Variants in SHC4 observed in about 807,000 individuals in gnomAD.
The protein encoded by SHC4 is SHC adaptor protein 4.
In SHC4, 41 loss-of-function variants were observed where a neutral mutation model predicts 69.4. The ratio of observed to expected loss-of-function variants is 0.59; its 90% CI spans 0.46 to 0.77. SHC4 has a LOEUF of 0.77. Ranked by LOEUF, SHC4 falls within the 30% of genes least tolerant of loss-of-function variation. SHC4 has a pLI of 0.00. For synonymous variants in SHC4, 318 were observed against 299.3 expected, an observed-to-expected ratio of 1.06 and a Z score of -0.64; for missense variants, 777 against 783.8, an observed-to-expected ratio of 0.99 and a Z score of 0.10.
At chr15:48,886,749 TTAC>T (rs1900043571) in intron 3 of SHC4, among the ~76,000 whole-genome samples, 1 of 152,210 alleles carries the variant, frequency 6.6e-6, no homozygotes, top group South Asian at 2.1e-4. Flanking sequence ...GTGGTTATAA[TTAC>T]TACTTTTAAA....
At chr15:48,856,245 T>C (rs1899313387) in intron 7 of SHC4, 121 bp from the exon 8 acceptor site, 2 of 913,782 alleles carry the variant, frequency 2.2e-6, no homozygotes, top group Non-Finnish European at 1.6e-6. Flanking sequence ...TTTCAGTTTA[T>C]AGCTGTGCTT....
intron 9 of SHC4, among the ~76,000 whole-genome samples, chr15:48,844,260 A>G (rs1899047045): frequency 6.6e-6 from 1 of 152,084 alleles, no homozygotes; most frequent in African/African-American, 2.4e-5. Flanking sequence ...CTTCCATTCT[A>G]TTCTACACAT....
chr15:48,959,516 A>G (rs574966192), intron 1 of SHC4, among the ~76,000 whole-genome samples: 1 of 152,342 alleles, frequency 6.6e-6, no homozygotes, highest in East Asian at 1.9e-4. Context: ...GGAGAGGAGC[A>G]GTCACATGAT....
At chr15:48,877,525 G>A (rs146650226) in intron 4 of SHC4, 1 of 984,062 alleles carries the variant, frequency 1.0e-6, no homozygotes, top group Non-Finnish European at 1.2e-6. Context: ...AATACATAAA[G>A]ATACATGTAA....
chr15:48,938,231 G>A (rs1901109695), intron 1 of SHC4: 2 of 152,196 alleles, frequency 1.3e-5, no homozygotes, highest in South Asian at 4.1e-4. Flanking sequence ...ACTCTCTCCT[G>A]ATAGATCCAG....
Position 48,870,669 on chromosome 15 carries a change from C to A in SHC4, c.894+1420G>T, listed in dbSNP as rs181730650. Among the ~76,000 whole-genome samples, 8 of 149,882 alleles carry A rather than the reference C, an allele frequency of 5.3e-5. No homozygotes were observed. The East Asian group carries it at 1.6e-3, about 29-fold the overall frequency. ...TCCAGCCTGAGTGACAAGAGTGAGA[C>A]GCCGTCTCAAAAAAAAAAAAAGCAT... On this transcript the variant is annotated intron_variant, in intron 5 of 11. Coordinates refer to ENST00000332408, the MANE Select transcript of SHC4 (RefSeq NM_203349.4).
chr15:48,893,905 C>T (rs1411379367), intron 2 of SHC4, among the ~76,000 whole-genome samples: 1 of 152,176 alleles, frequency 6.6e-6, no homozygotes, highest in Non-Finnish European at 1.5e-5. Context: ...TTCAAGGCTG[C>T]AGTGCCACTG....
intron 2 of SHC4, among the ~76,000 whole-genome samples, chr15:48,912,401 C>G (rs1455654420): frequency 6.6e-6 from 1 of 152,180 alleles, no homozygotes; most frequent in Non-Finnish European, 1.5e-5. Context: ...GAGCATTTCA[C>G]ATTTCTAAAA....
Position 48,856,773 on chromosome 15 carries a change from T to TG in SHC4, c.1071-650_1071-649insC, listed in dbSNP as rs1183708038. On this transcript the variant is annotated intron_variant, in intron 7 of 11. Coordinates refer to ENST00000332408, the MANE Select transcript of SHC4 (RefSeq NM_203349.4). ...ATTGGAATCAGGGAAAGTTTCTTAC[T>TG]AAAAAAAAAAAAAAAAACAAGAATA... is the stretch of plus-strand genomic sequence containing the variant. Among the ~76,000 whole-genome samples, 7 of 116,054 alleles carry TG rather than the reference T, an allele frequency of 6.0e-5. No individual in the cohort carries two copies. The Admixed American group carries it at 6.3e-4, about 10-fold the overall frequency. 76.1% of individuals were successfully genotyped at this position (116,054 alleles called of 152,430 possible).
chr15:48,953,425 A>C (rs1285801411), intron 1 of SHC4, among the ~76,000 whole-genome samples: 2 of 152,148 alleles, frequency 1.3e-5, no homozygotes, highest in Non-Finnish European at 2.9e-5. Flanking sequence ...TTAAAAAAAA[A>C]CAAACACTGT....
intron 2 of SHC4, among the ~76,000 whole-genome samples, chr15:48,897,239 T>C (rs760282789): frequency 6.6e-6 from 1 of 152,176 alleles, no homozygotes; most frequent in Non-Finnish European, 1.5e-5. Flanking sequence ...GGCCACTTTG[T>C]TTATTGTTTC....
At chr15:48,841,708 T>G (rs929268205) in intron 10 of SHC4, among the ~76,000 whole-genome samples, 2 of 152,212 alleles carry the variant, frequency 1.3e-5, no homozygotes, top group African/African-American at 4.8e-5. Context: ...CTACTTCCTC[T>G]CCATTGCTTC....
intron 11 of SHC4, among the ~76,000 whole-genome samples, chr15:48,826,868 T>G (rs186366882): frequency 1.3e-5 from 2 of 152,234 alleles, no homozygotes; most frequent in African/African-American, 4.8e-5. Context: ...AGAAGCCTCC[T>G]CAGACCTTTC....
chr15:48,907,988 A>C (rs1900440859), intron 2 of SHC4, among the ~76,000 whole-genome samples: 1 of 151,996 alleles, frequency 6.6e-6, no homozygotes, highest in South Asian at 2.1e-4. Flanking sequence ...ATAATGACTT[A>C]TTTTCCTCTG....
chr15:48,849,940 C>T (rs1019273083), intron 9 of SHC4, among the ~76,000 whole-genome samples: 12 of 152,184 alleles, frequency 7.9e-5, no homozygotes, highest in African/African-American at 2.4e-4. Context: ...TGGTGGCTCA[C>T]GCCTGTGATC....
Position 48,843,519 on chromosome 15 carries a change from T to G in SHC4, c.1373A>C (p.Asp458Ala), listed in dbSNP as rs768712960. The G allele has an allele frequency of 1.7e-5, 27 of 1,614,046 alleles. No homozygotes were observed. Among genetic ancestry groups the G allele is most frequent in the Non-Finnish European group, 2.2e-5 (26 of 1,180,014 alleles). Reference sequence around the variant, plus strand: ...AATGTAGCAGGGGTCATCAAAGAGATCCACTCGGCACGTGTGCTTCAATAA... The same window carrying G: ...AATGTAGCAGGGGTCATCAAAGAGAGCCACTCGGCACGTGTGCTTCAATAA... The part of the protein sequence containing the change: ...TSLLKHTCRV[D>A]LFDDPCYINT... Residue 458 changes from aspartate to alanine, a missense_variant, in exon 10 of 12, where the codon GAT becomes GCT. Physicochemically the swap from Asp to Ala is moderately radical, Grantham distance 126 (BLOSUM62 -2). Transcript: ENST00000332408.
intron 4 of SHC4, chr15:48,878,512 C>A: frequency 1.2e-6 from 2 of 1,614,018 alleles, no homozygotes; most frequent in Non-Finnish European, 1.7e-6. Flanking sequence ...ACGACTATCC[C>A]GAAGAGGAGC....
intron 1 of SHC4, among the ~76,000 whole-genome samples, chr15:48,943,562 G>A (rs142200461): frequency 1.3e-5 from 2 of 152,144 alleles, no homozygotes; most frequent in East Asian, 1.9e-4. Flanking sequence ...CAATGAACAC[G>A]GGGGTGCAGA....
At chr15:48,905,382 G>A (rs1900389945) in intron 2 of SHC4, among the ~76,000 whole-genome samples, 2 of 152,158 alleles carry the variant, frequency 1.3e-5, no homozygotes, top group Non-Finnish European at 2.9e-5. Flanking sequence ...TTCCAGGCCA[G>A]ACATCCCCCA....
Sources: gnomAD v4.1 joint callset for allele counts (sites outside exome capture counted in the v4.1 genomes callset) on GRCh38, gnomAD v4.1.1 for gene constraint, MANE v1.5 for transcripts, NCBI Gene and HGNC (gene_info 2026-07-23, HGNC 2026-07-21) for gene names.